EPHA5: variants seen among roughly 807,000 people sequenced by gnomAD.
EPHA5 encodes ephrin type-A receptor 5.
A neutral mutation model predicts 105.0 loss-of-function variants in EPHA5; 60 were observed. The ratio of observed to expected loss-of-function variants is 0.57; its 90% CI spans 0.46 to 0.71. The LOEUF (loss-of-function observed/expected upper bound fraction) is 0.71, where lower values mean the gene tolerates loss of function less well. Ranked by LOEUF, EPHA5 falls within the 30% of genes least tolerant of loss-of-function variation. The probability of loss-of-function intolerance (pLI) is 0.00; values close to 1 mark genes in which losing one functional copy is unlikely to be tolerated. For missense variants in EPHA5, 1,218 were observed against 1,274.7 expected (o/e 0.96, Z 0.68); for synonymous variants, 513 against 449.1 (o/e 1.14, Z -1.80).
intron 5 of EPHA5, among the ~76,000 whole-genome samples, chr4:65,479,185 T>G (rs1174497174): frequency 6.6e-6 from 1 of 152,216 alleles, no homozygotes; most frequent in East Asian, 1.9e-4. Flanking sequence ...AACTAATTGT[T>G]TTGTATATTT....
rs1719582075 is a variant in EPHA5 at position 65,320,799 on chromosome 4, G to A, written c.*3315C>T. The A allele has an allele frequency of 4.3e-6, 1 of 229,938 alleles. No individual in the cohort carries two copies. The highest frequency in any genetic ancestry group is 2.2e-5 in the African/African-American group (1 of 45,092). 14.2% of individuals were successfully genotyped at this position (229,938 alleles called of 1,614,324 possible). A position where few individuals can be genotyped will look rare whatever the true frequency, so the allele number is the denominator to read the frequency against. On this transcript the variant is annotated 3_prime_UTR_variant, in exon 17 of 17. Transcript: ENST00000613740. The stretch of plus-strand genomic sequence containing the variant: ...AAACTCTTTTACAAACTGAATTAAG[G>A]ATATTCTGTGTTGTTTAGGCAACTC...
intron 3 of EPHA5, among the ~76,000 whole-genome samples, chr4:65,549,373 A>G (rs2149336678): frequency 6.6e-6 from 1 of 152,232 alleles, no homozygotes; most frequent in South Asian, 2.1e-4. Flanking sequence ...ATGATTATAA[A>G]TGGAAGGGCC....
chr4:65,416,353 T>C (rs1366559994), intron 6 of EPHA5, among the ~76,000 whole-genome samples: 1 of 151,996 alleles, frequency 6.6e-6, no homozygotes, highest in Non-Finnish European at 1.5e-5. Flanking sequence ...GAGATAAAAT[T>C]ATTTACCAAG....
At chr4:65,571,759 C>A (rs1338820751) in intron 3 of EPHA5, among the ~76,000 whole-genome samples, 1 of 151,934 alleles carries the variant, frequency 6.6e-6, no homozygotes, top group Admixed American at 6.6e-5. Context: ...ATTTAGACTT[C>A]TGTTTTGGTT....
At chr4:65,519,329 C>T (rs1469105200) in intron 3 of EPHA5, among the ~76,000 whole-genome samples, 1 of 151,986 alleles carries the variant, frequency 6.6e-6, no homozygotes, top group Non-Finnish European at 1.5e-5. Context: ...ATTCAGCAGC[C>T]CTTCATGCCA....
intron 8 of EPHA5, among the ~76,000 whole-genome samples, chr4:65,378,347 T>C (rs1035896366): frequency 2.0e-5 from 3 of 151,950 alleles, no homozygotes. Flanking sequence ...AGAGTTACAG[T>C]ATATCAGATT....
intron 4 of EPHA5, among the ~76,000 whole-genome samples, chr4:65,494,245 C>T (rs989057018): frequency 1.1e-4 from 17 of 152,136 alleles, no homozygotes; most frequent in Non-Finnish European, 2.2e-4. Flanking sequence ...GTTTCACTGA[C>T]ACTATGAAAT....
At chr4:65,388,721 G>A (rs1443359448) in intron 8 of EPHA5, among the ~76,000 whole-genome samples, 1 of 147,872 alleles carries the variant, frequency 6.8e-6, no homozygotes, top group African/African-American at 2.5e-5. Flanking sequence ...TTAGCCCTTT[G>A]TCAGATGAGT....
intron 4 of EPHA5, among the ~76,000 whole-genome samples, chr4:65,492,758 A>G (rs1378873800): frequency 6.6e-6 from 1 of 152,108 alleles, no homozygotes; most frequent in South Asian, 2.1e-4. Context: ...ATACTTGTGC[A>G]TGTGTCTTTA....
chr4:65,596,643 GA>G (rs1459362001), intron 3 of EPHA5, among the ~76,000 whole-genome samples: 4 of 151,100 alleles, frequency 2.6e-5, no homozygotes, highest in Non-Finnish European at 4.4e-5. Flanking sequence ...GAAATGATTT[GA>G]CTACTTAATT....
At chr4:65,486,443 G>A (rs1024803427) in intron 5 of EPHA5, among the ~76,000 whole-genome samples, 4 of 152,080 alleles carry the variant, frequency 2.6e-5, no homozygotes, top group Non-Finnish European at 5.9e-5. Flanking sequence ...AACTTACAGA[G>A]AGGGCCAAAG....
intron 2 of EPHA5, among the ~76,000 whole-genome samples, chr4:65,630,937 T>C (rs189340936): frequency 1.2e-3 from 184 of 152,324 alleles, no homozygotes; most frequent in Non-Finnish European, 2.2e-3. Context: ...TAATATTTTA[T>C]CTTATTAATA....
intron 5 of EPHA5, among the ~76,000 whole-genome samples, chr4:65,425,835 T>G (rs936740704): frequency 6.6e-6 from 1 of 152,098 alleles, no homozygotes; most frequent in Non-Finnish European, 1.5e-5. Context: ...CCTGACCCTT[T>G]AGTATTTGTT....
intron 1 of EPHA5, among the ~76,000 whole-genome samples, chr4:65,644,189 GC>G (rs1747918036): frequency 1.4e-5 from 2 of 145,832 alleles, no homozygotes; most frequent in South Asian, 4.5e-4. Flanking sequence ...ACAAAAGGAA[GC>G]CATTTATGAG....
chr4:65,398,185 C>A (rs1213066497), intron 8 of EPHA5, among the ~76,000 whole-genome samples: 1 of 152,170 alleles, frequency 6.6e-6, no homozygotes, highest in East Asian at 1.9e-4. Flanking sequence ...CACTGCCTGG[C>A]CTCTCCCTGC....
At chr4:65,654,138 G>A (rs867970346) in intron 1 of EPHA5, among the ~76,000 whole-genome samples, 2 of 150,992 alleles carry the variant, frequency 1.3e-5, no homozygotes, top group Non-Finnish European at 1.5e-5. Flanking sequence ...TAGCATTCTT[G>A]CAACCATAAC....
At chr4:65,570,807 T>C (rs1313618643) in intron 3 of EPHA5, among the ~76,000 whole-genome samples, 3 of 151,994 alleles carry the variant, frequency 2.0e-5, no homozygotes, top group Non-Finnish European at 2.9e-5. Context: ...GTTTCTCCAT[T>C]TAAAACCAAT....
chr4:65,644,791 A>T (rs765665869), intron 1 of EPHA5, among the ~76,000 whole-genome samples: 29 of 152,122 alleles, frequency 1.9e-4, no homozygotes, highest in South Asian at 1.5e-3. Flanking sequence ...TAATGTTAGT[A>T]ACATTAAAAT....
At chr4:65,530,717 C>T (rs527273883) in intron 3 of EPHA5, among the ~76,000 whole-genome samples, 82 of 152,282 alleles carry the variant, frequency 5.4e-4, no homozygotes, top group African/African-American at 1.9e-3. Flanking sequence ...CTGACCTCTC[C>T]TAAGCCTCAG....
Sources: gnomAD v4.1 joint callset for allele counts (sites outside exome capture counted in the v4.1 genomes callset) on GRCh38, gnomAD v4.1.1 for gene constraint, MANE v1.5 for transcripts, NCBI Gene and HGNC (gene_info 2026-07-23, HGNC 2026-07-21) for gene names.